LRP1B: variants seen among roughly 807,000 people sequenced by gnomAD.
LRP1B encodes LDL receptor related protein 1B.
In LRP1B, 217 loss-of-function variants were observed where a neutral mutation model predicts 556.6. That is an observed-to-expected ratio of 0.39 (90% CI 0.35 to 0.44). The LOEUF (loss-of-function observed/expected upper bound fraction) is 0.44. LRP1B is among the 20% of genes least tolerant of loss of function. The probability of loss-of-function intolerance (pLI) is 1.00; values close to 1 mark genes in which losing one functional copy is unlikely to be tolerated. For missense variants in LRP1B, 5,053 were observed against 5,620.8 expected, an observed-to-expected ratio of 0.90 and a Z score of 3.23; for synonymous variants, 2,047 against 1,865.8, an observed-to-expected ratio of 1.10 and a Z score of -2.50.
At chr2:141,168,071 G>A (rs377276875) in intron 7 of LRP1B, among the ~76,000 whole-genome samples, 9 of 152,140 alleles carry the variant, frequency 5.9e-5, no homozygotes, top group South Asian at 2.1e-4. Flanking sequence ...TAAAACAGAA[G>A]CGATGGGAAT....
intron 1 of LRP1B, among the ~76,000 whole-genome samples, chr2:141,897,600 AT>A (rs151242660): frequency 0.01 from 1,533 of 152,164 alleles, 27 homozygotes; most frequent in African/African-American, 0.034. Context: ...CAAAGATATG[AT>A]TTTTTTCCAG....
chr2:141,306,022 T>G (rs1686573624), intron 3 of LRP1B, among the ~76,000 whole-genome samples: 1 of 152,204 alleles, frequency 6.6e-6, no homozygotes, highest in South Asian at 2.1e-4. Context: ...TGTGTCTATG[T>G]TTTTTAGGAA....
intron 7 of LRP1B, among the ~76,000 whole-genome samples, chr2:141,136,984 C>T (rs1318232148): frequency 6.6e-6 from 1 of 151,772 alleles, no homozygotes; most frequent in East Asian, 1.9e-4. Context: ...TTATGAAATC[C>T]ATACACTGTC....
chr2:140,697,740 T>G (rs930897686), intron 41 of LRP1B, among the ~76,000 whole-genome samples: 3 of 152,034 alleles, frequency 2.0e-5, no homozygotes, highest in African/African-American at 7.2e-5. Flanking sequence ...ATTAGAAAAT[T>G]CATAGAGACA....
intron 41 of LRP1B, among the ~76,000 whole-genome samples, chr2:140,617,355 G>A (rs509955): frequency 0.086 from 13,025 of 151,844 alleles, 831 homozygotes; most frequent in African/African-American, 0.17. Flanking sequence ...ACTCAACTGC[G>A]TTTTGCTAAG....
At chr2:142,078,838 T>C (rs541998024) in intron 1 of LRP1B, among the ~76,000 whole-genome samples, 8 of 151,166 alleles carry the variant, frequency 5.3e-5, no homozygotes, top group Non-Finnish European at 1.0e-4. Context: ...GTAGTATACA[T>C]GTATAGTGCC....
At chr2:141,173,876 T>A (rs1680616458) in intron 7 of LRP1B, among the ~76,000 whole-genome samples, 1 of 152,122 alleles carries the variant, frequency 6.6e-6, no homozygotes, top group Non-Finnish European at 1.5e-5. Context: ...CTTAAGCCAG[T>A]TAAAGATGAG....
At chr2:141,452,852 T>A (rs1681474555) in intron 3 of LRP1B, among the ~76,000 whole-genome samples, 1 of 152,222 alleles carries the variant, frequency 6.6e-6, no homozygotes. Flanking sequence ...TGGATGTAAC[T>A]ACTCTTTTAC....
rs2105059335 is a variant in LRP1B, at chr2:140,323,987, A to T, written c.12420T>A (p.Val4140=). 1 of 1,608,700 alleles carries T rather than the reference A, an allele frequency of 6.2e-7. No individual in the cohort carries two copies. Among genetic ancestry groups the T allele is most frequent in the Non-Finnish European group, 8.5e-7 (1 of 1,175,606 alleles). ...CTACTGAACCATGGCCAAATTTTTGAACTCGAAATACACCATTTTTAGGTC... is the reference window on the plus strand; with the variant it reads ...CTACTGAACCATGGCCAAATTTTTGTACTCGAAATACACCATTTTTAGGTC... ...GAGPKNGVFR[V]QKFGHGSVEY... is the part of the protein sequence containing the mutation. Residue 4140 remains valine, a synonymous_variant, in exon 81 of 91, where the codon GTT becomes GTA. Transcript: ENST00000389484.
intron 7 of LRP1B, among the ~76,000 whole-genome samples, chr2:141,070,393 G>A (rs1334427497): frequency 6.6e-6 from 1 of 151,234 alleles, no homozygotes; most frequent in Non-Finnish European, 1.5e-5. Context: ...ATGCCCACAA[G>A]AGAAAGCAGG....
chr2:142,084,803 T>C (rs1705850057), intron 1 of LRP1B, among the ~76,000 whole-genome samples: 1 of 152,202 alleles, frequency 6.6e-6, no homozygotes. Context: ...AAAAGAACAC[T>C]ATCTCTTCCT....
intron 4 of LRP1B, among the ~76,000 whole-genome samples, chr2:141,248,088 C>T (rs1167509115): frequency 6.6e-6 from 1 of 151,990 alleles, no homozygotes; most frequent in Non-Finnish European, 1.5e-5. Context: ...TGTGCCTGTA[C>T]CCCTTCATTC....
chr2:141,397,765 G>A (rs1690295632), intron 3 of LRP1B, among the ~76,000 whole-genome samples: 1 of 150,960 alleles, frequency 6.6e-6, no homozygotes, highest in African/African-American at 2.4e-5. Context: ...GCTGAAGGCT[G>A]GTGGTAAAAA....
At chr2:141,035,100 C>T (rs1478122436) in intron 11 of LRP1B, among the ~76,000 whole-genome samples, 52 of 151,814 alleles carry the variant, frequency 3.4e-4, no homozygotes, top group South Asian at 2.1e-4. Context: ...AGCAAACTAT[C>T]GCAAGGACAA....
At chr2:140,493,242 A>T (rs1392113006) in intron 56 of LRP1B, among the ~76,000 whole-genome samples, 2 of 151,912 alleles carry the variant, frequency 1.3e-5, no homozygotes, top group Non-Finnish European at 2.9e-5. Flanking sequence ...ACCTTTCCTC[A>T]TGTGTCTTTT....
intron 63 of LRP1B, among the ~76,000 whole-genome samples, chr2:140,446,472 A>T: frequency 6.6e-6 from 1 of 152,150 alleles, no homozygotes; most frequent in East Asian, 1.9e-4. Flanking sequence ...CTGTCTTCTC[A>T]GGTGATGTTA....
intron 6 of LRP1B, among the ~76,000 whole-genome samples, chr2:141,212,191 C>G (rs933718519): frequency 1.4e-4 from 18 of 131,778 alleles, no homozygotes; most frequent in Non-Finnish European, 2.2e-4. Flanking sequence ...GTTACTGCAG[C>G]AAAAATTCTT....
chr2:141,623,951 G>C (rs1688600960), intron 2 of LRP1B, among the ~76,000 whole-genome samples: 1 of 144,518 alleles, frequency 6.9e-6, no homozygotes, highest in Non-Finnish European at 1.5e-5. Context: ...GGAGGCAGAG[G>C]TTGCAGTGAG....
chr2:141,411,162 G>A (rs1369998939), intron 3 of LRP1B, among the ~76,000 whole-genome samples: 3 of 151,932 alleles, frequency 2.0e-5, no homozygotes, highest in Admixed American at 6.6e-5. Context: ...GACACCAAGG[G>A]AATCATATTT....
Sources: allele counts gnomAD v4.1 joint callset (sites outside exome capture counted in the v4.1 genomes callset), GRCh38; gene constraint gnomAD v4.1.1; transcripts MANE v1.5; gene names NCBI Gene and HGNC (gene_info 2026-07-23, HGNC 2026-07-21).